The following GALNT13 variants were observed in gnomAD, a reference collection of about 807,000 sequenced individuals.
The protein encoded by GALNT13 is UDP-GalNAc:polypeptide N-acetylgalactosaminyltransferase 13.
GALNT13 carries 28 observed loss-of-function variants against 64.2 expected under a neutral mutation model. The ratio of observed to expected loss-of-function variants is 0.44; its 90% CI spans 0.32 to 0.60. GALNT13 has a LOEUF of 0.60. GALNT13 is among the 20% of genes least tolerant of loss of function. The probability of loss-of-function intolerance (pLI) is 0.05; values close to 1 mark genes in which losing one functional copy is unlikely to be tolerated. For synonymous variants in GALNT13, 214 were observed against 224.6 expected (o/e 0.95, Z 0.42); for missense variants, 577 against 669.8 (o/e 0.86, Z 1.53).
chr2:153,543,414 C>G, the GALNT13 span, among the ~76,000 whole-genome samples: 1 of 152,034 alleles, frequency 6.6e-6, no homozygotes. Flanking sequence ...CTAGAAGTAG[C>G]AAAAATAAAT....
the GALNT13 span, among the ~76,000 whole-genome samples, chr2:153,618,201 A>T: frequency 5.3e-5 from 8 of 151,764 alleles, no homozygotes. Flanking sequence ...GCTGTATCCC[A>T]TAGGCTTTGG....
At chr2:153,739,391 A>G in the GALNT13 span, among the ~76,000 whole-genome samples, 1 of 151,532 alleles carries the variant, frequency 6.6e-6, no homozygotes, top group Non-Finnish European at 1.5e-5. Context: ...AAATGGAATT[A>G]TATACTCTGT....
chr2:153,958,078 G>A lies in GALNT13; in HGVS notation c.142+13439G>A, dbSNP rs374642420. Among the ~76,000 whole-genome samples, 249 of 152,302 alleles carry A rather than the reference G, an allele frequency of 1.6e-3. 11 individuals carry two copies. In the South Asian group the frequency reaches 0.051, roughly 31 times the overall value. On this transcript the variant is annotated intron_variant, in intron 3 of 12. Coordinates refer to ENST00000392825, the MANE Select transcript of GALNT13 (RefSeq NM_052917.4). ...GACACAGGTTTGACTTTAGATGCTG[G>A]TATGGGGCTGACTCCTGGTGGTACT...
intron 2 of GALNT13, chr2:153,926,183 A>G (rs944462240): frequency 3.9e-5 from 6 of 152,104 alleles, no homozygotes; most frequent in African/African-American, 1.4e-4. Flanking sequence ...TAAATAATAT[A>G]AAAAAGAATA....
At chr2:153,928,471 T>C (rs1690300088) in intron 2 of GALNT13, among the ~76,000 whole-genome samples, 1 of 152,172 alleles carries the variant, frequency 6.6e-6, no homozygotes, top group African/African-American at 2.4e-5. Context: ...GCTCTAGTGT[T>C]GTTTTAAATC....
the GALNT13 span, among the ~76,000 whole-genome samples, chr2:153,711,772 G>A: frequency 1.3e-5 from 2 of 152,044 alleles, no homozygotes; most frequent in Non-Finnish European, 2.9e-5. Flanking sequence ...AGTTAATAAG[G>A]GTCCATCCCC....
At chr2:154,063,987 G>T (rs1316602711) in intron 3 of GALNT13, among the ~76,000 whole-genome samples, 1 of 152,172 alleles carries the variant, frequency 6.6e-6, no homozygotes, top group African/African-American at 2.4e-5. Flanking sequence ...GAAGAGGGTA[G>T]GAAAGAAAGT....
intron 4 of GALNT13, among the ~76,000 whole-genome samples, chr2:154,213,073 C>T (rs910802633): frequency 6.6e-6 from 1 of 151,964 alleles, no homozygotes; most frequent in East Asian, 1.9e-4. Flanking sequence ...GAAGTATGAA[C>T]TTAGGAAAAA....
At position 154,153,982 on chromosome 2, in the gene GALNT13, G is replaced by A. The variant is rs181412574; in HGVS notation, c.311+13477G>A. 7.5e-3 allele frequency among the ~76,000 whole-genome samples: 1,136 copies of A among 152,304 alleles called. 19 individuals are homozygous for A. Among genetic ancestry groups the A allele is most frequent in the African/African-American group, 0.025 (1,058 of 41,560 alleles). ...TGGCACTCCCTAGTGAGATGAACCC[G>A]GTACCTCAGATGGAAATGCAGAAAT... is the stretch of plus-strand genomic sequence containing the variant. On this transcript the variant is annotated intron_variant, in intron 4 of 12. Transcript: ENST00000392825.
intron 8 of GALNT13, among the ~76,000 whole-genome samples, chr2:154,297,870 T>G (rs1693019355): frequency 6.6e-6 from 1 of 151,326 alleles, no homozygotes; most frequent in African/African-American, 2.4e-5. Context: ...CCATATACTA[T>G]CAATTGGAAA....
the GALNT13 span, among the ~76,000 whole-genome samples, chr2:153,249,858 C>T: frequency 6.6e-6 from 1 of 152,160 alleles, no homozygotes; most frequent in African/African-American, 2.4e-5. Flanking sequence ...CCTCCTTACA[C>T]CTTATACAAA....
At chr2:153,160,525 A>G in the GALNT13 span, among the ~76,000 whole-genome samples, 1 of 152,192 alleles carries the variant, frequency 6.6e-6, no homozygotes, top group Non-Finnish European at 1.5e-5. Context: ...CATTCATGCA[A>G]CTTTCTTTTT....
chr2:153,633,271 C>T, the GALNT13 span, among the ~76,000 whole-genome samples: 1 of 152,106 alleles, frequency 6.6e-6, no homozygotes, highest in East Asian at 1.9e-4. Flanking sequence ...TATTTGTGTG[C>T]AGTTCAATTC....
the GALNT13 span, chr2:153,354,170 T>A: frequency 6.6e-6 from 1 of 152,222 alleles, no homozygotes; most frequent in Admixed American, 6.5e-5. Flanking sequence ...ATCAATTTTT[T>A]AATGCAACAG....
the GALNT13 span, among the ~76,000 whole-genome samples, chr2:153,108,094 T>C: frequency 6.6e-6 from 1 of 152,158 alleles, no homozygotes; most frequent in Non-Finnish European, 1.5e-5. Context: ...CCCAGGCTGA[T>C]CTTGAACTCC....
At chr2:154,395,091 T>C (rs781047384) in intron 9 of GALNT13, among the ~76,000 whole-genome samples, 5 of 152,224 alleles carry the variant, frequency 3.3e-5, no homozygotes, top group Non-Finnish European at 7.3e-5. Flanking sequence ...GGCCATTTTG[T>C]GCCAGCATGT....
At chr2:154,092,268 C>A (rs1337049053) in intron 3 of GALNT13, among the ~76,000 whole-genome samples, 1 of 151,866 alleles carries the variant, frequency 6.6e-6, no homozygotes, top group Non-Finnish European at 1.5e-5. Context: ...GTAGGAATTG[C>A]TGTACGTTGC....
chr2:153,826,001 CTAAT>C, the GALNT13 span, among the ~76,000 whole-genome samples: 2 of 152,112 alleles, frequency 1.3e-5, no homozygotes, highest in Non-Finnish European at 2.9e-5. Flanking sequence ...TAGAACATGT[CTAAT>C]TACTCATGCC....
At chr2:154,394,106 G>GAAAA (rs1698945173) in intron 9 of GALNT13, among the ~76,000 whole-genome samples, 1 of 53,670 alleles carries the variant, frequency 1.9e-5, no homozygotes, top group Non-Finnish European at 4.1e-5. Flanking sequence ...AAAAAAAAAG[G>GAAAA]TATGCAAATG....
Sources: gnomAD v4.1 joint callset for allele counts (sites outside exome capture counted in the v4.1 genomes callset) on GRCh38, gnomAD v4.1.1 for gene constraint, MANE v1.5 for transcripts, NCBI Gene and HGNC (gene_info 2026-07-23, HGNC 2026-07-21) for gene names.